FHIT: variants seen among roughly 807,000 people sequenced by gnomAD.
The protein encoded by FHIT is fragile histidine triad diadenosine triphosphatase.
A neutral mutation model predicts 17.9 loss-of-function variants in FHIT; 19 were observed. That is an observed-to-expected ratio of 1.06 (90% CI 0.74 to 1.56). FHIT has a LOEUF of 1.56. FHIT is among the 40% of genes most tolerant of loss of function. The pLI is 0.00. For synonymous variants in FHIT, 81 were observed against 69.7 expected, an observed-to-expected ratio of 1.16 and a Z score of -0.81; for missense variants, 248 against 189.2, an observed-to-expected ratio of 1.31 and a Z score of -1.82.
At chr3:60,789,160 A>G (rs782485188) in intron 4 of FHIT, among the ~76,000 whole-genome samples, 19 of 122,162 alleles carry the variant, frequency 1.6e-4, no homozygotes, top group African/African-American at 3.4e-4. Context: ...GTGTGTGTAT[A>G]TATATATATA....
At chr3:60,868,317 A>C (rs1489972514) in intron 3 of FHIT, among the ~76,000 whole-genome samples, 1 of 152,158 alleles carries the variant, frequency 6.6e-6, no homozygotes, top group African/African-American at 2.4e-5. Flanking sequence ...GAATGGCCAA[A>C]AATAAAGACT....
intron 5 of FHIT, among the ~76,000 whole-genome samples, chr3:60,415,732 TA>T (rs5849361): frequency 0.54 from 77,128 of 143,084 alleles, 21,553 homozygotes; most frequent in Non-Finnish European, 0.64. Context: ...ACGCCTGAGT[TA>T]AAAAAAAAAA....
chr3:60,986,295 A>AT (rs1232504438), intron 3 of FHIT, among the ~76,000 whole-genome samples: 1 of 152,136 alleles, frequency 6.6e-6, no homozygotes, highest in Non-Finnish European at 1.5e-5. Flanking sequence ...CCAGCCTAGT[A>AT]TTTTATTCTT....
At chr3:60,012,974 T>G (rs1700198705) in intron 6 of FHIT, among the ~76,000 whole-genome samples, 1 of 152,164 alleles carries the variant, frequency 6.6e-6, no homozygotes. Context: ...ATAAGCTTGA[T>G]AAACCCACTC....
At chr3:59,958,672 G>T (rs1345645578) in intron 7 of FHIT, among the ~76,000 whole-genome samples, 2 of 152,192 alleles carry the variant, frequency 1.3e-5, no homozygotes, top group Non-Finnish European at 2.9e-5. Flanking sequence ...AAATAATGAT[G>T]TTGGCTAGGG....
intron 4 of FHIT, among the ~76,000 whole-genome samples, chr3:60,560,287 G>T (rs1340938866): frequency 6.6e-6 from 1 of 152,032 alleles, no homozygotes; most frequent in Admixed American, 6.6e-5. Flanking sequence ...CTAGTACAGG[G>T]CTTCTCATAG....
chr3:60,401,163 T>C (rs887775718), intron 5 of FHIT, among the ~76,000 whole-genome samples: 1 of 152,214 alleles, frequency 6.6e-6, no homozygotes, highest in Non-Finnish European at 1.5e-5. Flanking sequence ...ATTTTTGCTT[T>C]GCTTGTAGTG....
At chr3:61,235,670 C>A (rs1208634654) in intron 1 of FHIT, among the ~76,000 whole-genome samples, 1 of 151,930 alleles carries the variant, frequency 6.6e-6, no homozygotes, top group Non-Finnish European at 1.5e-5. Flanking sequence ...CCACTGCACT[C>A]CAGCCTGGAT....
chr3:61,216,515 G>T (rs2039680766), intron 1 of FHIT, among the ~76,000 whole-genome samples: 1 of 152,200 alleles, frequency 6.6e-6, no homozygotes, highest in East Asian at 1.9e-4. Flanking sequence ...AAAGGTTGTG[G>T]AGAAATAGGA....
At chr3:60,271,564 A>C (rs1392487974) in intron 5 of FHIT, among the ~76,000 whole-genome samples, 1 of 152,196 alleles carries the variant, frequency 6.6e-6, no homozygotes. Context: ...AAATAATCTA[A>C]AAATTTCAGT....
At chr3:60,010,622 G>C (rs1700102358) in intron 7 of FHIT, among the ~76,000 whole-genome samples, 1 of 152,126 alleles carries the variant, frequency 6.6e-6, no homozygotes. Flanking sequence ...CAAAAATAGA[G>C]CCTTTTCTAT....
intron 5 of FHIT, among the ~76,000 whole-genome samples, chr3:60,176,458 T>C (rs1167590878): frequency 6.6e-6 from 1 of 152,216 alleles, no homozygotes; most frequent in Non-Finnish European, 1.5e-5. Context: ...TCTAGCATAG[T>C]TTACCTGCAT....
chr3:59,749,515 C>CG lies in FHIT; in HGVS notation c.*69dup, dbSNP rs11462420. ...TGATTCAGTTCCTCTTGGGGAGAGG[C>CG]GGGGGGCGGTCTTCAAACTGGTTGG... On this transcript the variant is annotated 3_prime_UTR_variant, in exon 10 of 10. Transcript: ENST00000492590. 0.81 allele frequency: 186,655 copies of CG among 229,390 alleles called. 76,152 individuals carry two copies. Among genetic ancestry groups the CG allele is most frequent in the East Asian group, 0.91 (14,671 of 16,194 alleles). 14.2% of individuals were successfully genotyped at this position (229,390 alleles called of 1,614,324 possible).
intron 5 of FHIT, among the ~76,000 whole-genome samples, chr3:60,442,268 A>C (rs1190378850): frequency 1.3e-5 from 2 of 152,068 alleles, no homozygotes; most frequent in Middle Eastern, 3.2e-3. Flanking sequence ...CATCCTCCTA[A>C]GTGACAAAGA....
chr3:59,968,427 A>G (rs915240655), intron 7 of FHIT, among the ~76,000 whole-genome samples: 5 of 148,782 alleles, frequency 3.4e-5, no homozygotes, highest in African/African-American at 7.8e-5. Context: ...TAGGCTATCA[A>G]AACAAAAACA....
intron 3 of FHIT, among the ~76,000 whole-genome samples, chr3:60,968,335 T>C (rs1445658312): frequency 6.6e-6 from 1 of 151,866 alleles, no homozygotes; most frequent in Non-Finnish European, 1.5e-5. Flanking sequence ...TAATGATGAA[T>C]AAAAATGGAA....
intron 5 of FHIT, among the ~76,000 whole-genome samples, chr3:60,055,956 G>C (rs1478813555): frequency 6.6e-6 from 1 of 152,198 alleles, no homozygotes; most frequent in East Asian, 1.9e-4. Context: ...ATAATGTCCA[G>C]ACACGTGAAA....
chr3:60,490,720 T>TA (rs2034028412), intron 5 of FHIT, among the ~76,000 whole-genome samples: 1 of 152,106 alleles, frequency 6.6e-6, no homozygotes, highest in South Asian at 2.1e-4. Flanking sequence ...TTCTGTCTCT[T>TA]ACTAATTCAG....
intron 5 of FHIT, among the ~76,000 whole-genome samples, chr3:60,208,040 G>C (rs929127495): frequency 3.9e-5 from 6 of 152,144 alleles, no homozygotes; most frequent in Non-Finnish European, 7.4e-5. Context: ...CTTAGTACTT[G>C]ACAGCAATGC....
Sources: allele counts gnomAD v4.1 joint callset (sites outside exome capture counted in the v4.1 genomes callset), GRCh38; gene constraint gnomAD v4.1.1; transcripts MANE v1.5; gene names NCBI Gene and HGNC (gene_info 2026-07-23, HGNC 2026-07-21).